The following B3GALT1 variants were observed in gnomAD, a reference collection of about 807,000 sequenced individuals.
The protein encoded by B3GALT1 is beta-1,3-galactosyltransferase 1, also known as UDP-Gal:betaGlcNAc beta 1,3-galactosyltransferase, polypeptide 1.
B3GALT1 carries 10 observed loss-of-function variants against 23.2 expected under a neutral mutation model. The observed-to-expected ratio is 0.43, with a 90% CI of 0.27 to 0.73. The LOEUF (loss-of-function observed/expected upper bound fraction) is 0.73, where lower values mean the gene tolerates loss of function less well. B3GALT1 is among the 30% of genes least tolerant of loss of function. The pLI is 0.21. For missense variants in B3GALT1, 299 were observed against 405.4 expected (o/e 0.74, Z 2.25); for synonymous variants, 156 against 141.5 (o/e 1.10, Z -0.73).
intron 3 of B3GALT1, among the ~76,000 whole-genome samples, chr2:167,757,693 A>G (rs1295313528): frequency 1.3e-5 from 2 of 152,108 alleles, no homozygotes; most frequent in African/African-American, 4.8e-5. Context: ...TAGGTCATAT[A>G]TGTATATATA....
intron 1 of B3GALT1, among the ~76,000 whole-genome samples, chr2:167,383,042 G>T (rs1574057077): frequency 6.6e-6 from 1 of 152,120 alleles, no homozygotes; most frequent in Admixed American, 6.6e-5. Context: ...GTACTTGGAT[G>T]ATGTACACCT....
chr2:167,361,840 G>T (rs1430729350), intron 1 of B3GALT1, among the ~76,000 whole-genome samples: 2 of 152,096 alleles, frequency 1.3e-5, no homozygotes, highest in African/African-American at 2.4e-5. Flanking sequence ...TTGGGAGACC[G>T]AGACGGGTGG....
chr2:167,832,518 A>G (rs1287626930), intron 4 of B3GALT1, among the ~76,000 whole-genome samples: 2 of 152,204 alleles, frequency 1.3e-5, no homozygotes, highest in Non-Finnish European at 2.9e-5. Context: ...TTTAACCACC[A>G]TATACTTAAA....
intron 3 of B3GALT1, among the ~76,000 whole-genome samples, chr2:167,666,164 C>T (rs368429093): frequency 2.0e-5 from 3 of 152,098 alleles, no homozygotes; most frequent in South Asian, 4.2e-4. Flanking sequence ...TGTTCTCGTT[C>T]GTTTCAAAGA....
intron 3 of B3GALT1, among the ~76,000 whole-genome samples, chr2:167,740,220 T>C (rs1264754361): frequency 3.3e-5 from 5 of 152,126 alleles, no homozygotes; most frequent in African/African-American, 1.2e-4. Flanking sequence ...ACACATTTAA[T>C]AGGTTCTCTG....
At chr2:167,430,620 T>C (rs1403895) in intron 1 of B3GALT1, among the ~76,000 whole-genome samples, 121,907 of 151,760 alleles carry the variant, frequency 0.8, 51,077 homozygotes, top group East Asian at 0.92. Context: ...GATTCCATGT[T>C]GGATGTCAGA....
At chr2:167,622,449 A>G (rs1213944571) in intron 2 of B3GALT1, among the ~76,000 whole-genome samples, 1 of 152,110 alleles carries the variant, frequency 6.6e-6, no homozygotes, top group Non-Finnish European at 1.5e-5. Context: ...GAGGAAATAT[A>G]TTAAAAATCT....
intron 3 of B3GALT1, among the ~76,000 whole-genome samples, chr2:167,717,308 CTTTTAAG>C (rs879703177): frequency 3.4e-5 from 5 of 145,786 alleles, no homozygotes; most frequent in South Asian, 2.2e-4. Context: ...TTTTTTTATA[CTTTTAAG>C]TTTTAGGGTA....
intron 2 of B3GALT1, among the ~76,000 whole-genome samples, chr2:167,559,997 T>C (rs1405051963): frequency 2.6e-5 from 4 of 151,796 alleles, no homozygotes; most frequent in Non-Finnish European, 4.4e-5. Flanking sequence ...CCAAGACACA[T>C]AATAGTCAGA....
chr2:167,660,312 G>A (rs1686034187), intron 3 of B3GALT1, among the ~76,000 whole-genome samples: 1 of 152,028 alleles, frequency 6.6e-6, no homozygotes, highest in Admixed American at 6.6e-5. Context: ...ATGGAAATGG[G>A]AATAGTGATA....
At chr2:167,640,941 C>A (rs1685642893) in intron 2 of B3GALT1, among the ~76,000 whole-genome samples, 1 of 152,076 alleles carries the variant, frequency 6.6e-6, no homozygotes, top group African/African-American at 2.4e-5. Context: ...TTGAGCTCAA[C>A]AATGGTCTGA....
intron 4 of B3GALT1, among the ~76,000 whole-genome samples, chr2:167,855,613 T>C (rs1689986463): frequency 6.6e-6 from 1 of 152,210 alleles, no homozygotes; most frequent in South Asian, 2.1e-4. Flanking sequence ...GCTGTAGTAA[T>C]CCATCCAGCT....
intron 1 of B3GALT1, among the ~76,000 whole-genome samples, chr2:167,365,838 C>T (rs1375920211): frequency 1.3e-5 from 2 of 152,054 alleles, no homozygotes; most frequent in Non-Finnish European, 2.9e-5. Context: ...TATTGAATGC[C>T]TCTATAGTAC....
chr2:167,324,916 T>G (rs578062191), intron 1 of B3GALT1, among the ~76,000 whole-genome samples: 18 of 152,216 alleles, frequency 1.2e-4, no homozygotes, highest in South Asian at 1.0e-3. Context: ...CATTCCACTC[T>G]CCACCTCTAC....
chr2:167,556,564 A>G (rs1558903540), intron 2 of B3GALT1, among the ~76,000 whole-genome samples: 1 of 152,194 alleles, frequency 6.6e-6, no homozygotes, highest in Admixed American at 6.5e-5. Flanking sequence ...AATTTCAATA[A>G]TGAAGTTTTA....
chr2:167,591,587 A>G (rs149739582), intron 2 of B3GALT1, among the ~76,000 whole-genome samples: 4 of 152,130 alleles, frequency 2.6e-5, no homozygotes, highest in African/African-American at 9.7e-5. Context: ...CTCCCACCTC[A>G]GCCTTCGGAG....
intron 1 of B3GALT1, among the ~76,000 whole-genome samples, chr2:167,430,444 G>T (rs1324708203): frequency 6.6e-6 from 1 of 152,186 alleles, no homozygotes; most frequent in Non-Finnish European, 1.5e-5. Context: ...TAATTTTTCA[G>T]TTGAGAACTG....
intron 4 of B3GALT1, among the ~76,000 whole-genome samples, chr2:167,866,863 A>G (rs1216738829): frequency 1.3e-5 from 2 of 152,230 alleles, no homozygotes; most frequent in African/African-American, 2.4e-5. Flanking sequence ...TTCTAGTACC[A>G]TCTTGGGACT....
At chr2:167,844,851 G>T (rs1479379722) in intron 4 of B3GALT1, among the ~76,000 whole-genome samples, 1 of 152,188 alleles carries the variant, frequency 6.6e-6, no homozygotes, top group Non-Finnish European at 1.5e-5. Flanking sequence ...CCTGGGGCAG[G>T]TTTTCAAGCC....
Sources: gnomAD v4.1 joint callset for allele counts (sites outside exome capture counted in the v4.1 genomes callset) on GRCh38, gnomAD v4.1.1 for gene constraint, MANE v1.5 for transcripts, NCBI Gene and HGNC (gene_info 2026-07-23, HGNC 2026-07-21) for gene names.